USP34: variants seen among roughly 807,000 people sequenced by gnomAD.
USP34 encodes ubiquitin carboxyl-terminal hydrolase 34.
USP34 carries 70 observed loss-of-function variants against 460.3 expected under a neutral mutation model. The ratio of observed to expected loss-of-function variants is 0.15; its 90% confidence interval spans 0.13 to 0.19. USP34 has a LOEUF of 0.19. Ranked by LOEUF, USP34 falls within the 10% of genes least tolerant of loss-of-function variation. USP34 has a pLI of 1.00. For missense variants in USP34, 3,985 were observed against 4,236.2 expected (o/e 0.94, Z 1.65); for synonymous variants, 1,647 against 1,405.3 (o/e 1.17, Z -3.85).
At chr2:61,292,102 T>A (rs1461349217) in intron 33 of USP34, among the ~76,000 whole-genome samples, 1 of 152,166 alleles carries the variant, frequency 6.6e-6, no homozygotes, top group East Asian at 1.9e-4. Flanking sequence ...ACAACTGTTC[T>A]GGAATTAGAT....
intron 5 of USP34, among the ~76,000 whole-genome samples, chr2:61,388,313 A>T (rs1406656203): frequency 6.6e-6 from 1 of 152,040 alleles, no homozygotes; most frequent in Non-Finnish European, 1.5e-5. Flanking sequence ...CCAAGTCAAC[A>T]CTTGGCAAGG....
At chr2:61,465,162 T>C (rs1695724101) in intron 1 of USP34, among the ~76,000 whole-genome samples, 1 of 152,164 alleles carries the variant, frequency 6.6e-6, no homozygotes, top group Admixed American at 6.6e-5. Context: ...GTTTCAACTT[T>C]TATGATATGT....
chr2:61,462,245 GAAAAAAA>G (rs1260341115), intron 1 of USP34, among the ~76,000 whole-genome samples: 1 of 143,436 alleles, frequency 7.0e-6, no homozygotes, highest in Admixed American at 7.1e-5. Flanking sequence ...ATCTCAGGGG[GAAAAAAA>G]AAAAAAAGAA....
chr2:61,423,419 G>A (rs1161213246), intron 1 of USP34, among the ~76,000 whole-genome samples: 2 of 151,666 alleles, frequency 1.3e-5, no homozygotes, highest in South Asian at 4.2e-4. Context: ...CACTAACAAT[G>A]AACAATTTAA....
At chr2:61,249,343 A>G (rs1045817957) in intron 48 of USP34, among the ~76,000 whole-genome samples, 14 of 152,268 alleles carry the variant, frequency 9.2e-5, no homozygotes, top group African/African-American at 3.4e-4. Flanking sequence ...CTAATGAACA[A>G]GTAGTGTATA....
intron 2 of USP34, among the ~76,000 whole-genome samples, chr2:61,418,603 A>G (rs188402782): frequency 1.1e-3 from 169 of 152,340 alleles, no homozygotes; most frequent in Non-Finnish European, 1.6e-3. Context: ...TTTGCAGATT[A>G]TCCATGCTTT....
intron 1 of USP34, among the ~76,000 whole-genome samples, chr2:61,455,174 A>G (rs1457427202): frequency 1.4e-5 from 2 of 147,108 alleles, no homozygotes; most frequent in Non-Finnish European, 3.0e-5. Flanking sequence ...GGGCCGCCAC[A>G]CCCCAGCCTT....
At position 61,230,410 on chromosome 2, in the gene USP34, C is replaced by CA. The variant is rs1334251587; in HGVS notation, c.7114-778dup. Among the ~76,000 whole-genome samples the CA allele has an allele frequency of 3.4e-4, 51 of 152,110 alleles. 1 individual carries two copies. Among genetic ancestry groups the CA allele is most frequent in the Admixed American group, 3.3e-3 (51 of 15,272 alleles). On this transcript the variant is annotated intron_variant, in intron 58 of 79. Transcript: ENST00000398571. ...GCGTGGTGGTGGGCACCTGTAATCT[C>CA]AGCTAAGGAAGCTGAGGCAGGGAGA... is the stretch of plus-strand genomic sequence containing the variant.
chr2:61,424,700 A>AC (rs147533084), intron 1 of USP34, among the ~76,000 whole-genome samples: 2,228 of 151,936 alleles, frequency 0.015, 19 homozygotes, highest in Non-Finnish European at 0.022. Context: ...ACATGGCGAG[A>AC]CCCCCTCTCT....
intron 5 of USP34, among the ~76,000 whole-genome samples, chr2:61,392,817 A>G (rs952159894): frequency 7.2e-5 from 11 of 152,192 alleles, no homozygotes; most frequent in Admixed American, 2.0e-4. Context: ...TTGGTGTTTC[A>G]AAATTATATG....
In USP34 at chr2:61,454,782, C is replaced by T. The variant is rs1177110803; in HGVS notation, c.43+15868G>A. 7.3e-5 allele frequency among the ~76,000 whole-genome samples: 11 copies of T among 151,484 alleles called. No individual in the cohort carries two copies. In the East Asian group the frequency reaches 2.1e-3, roughly 29 times the overall value. On this transcript the variant is annotated intron_variant, in intron 1 of 79. Transcript: ENST00000398571. ...CAGGCTGGTCTCGAACTCCTGACCT[C>T]ACGTGATCCGCCCGCCTAGGCCTCC...
At chr2:61,335,113 A>G (rs758715530) in intron 18 of USP34, among the ~76,000 whole-genome samples, 5 of 152,248 alleles carry the variant, frequency 3.3e-5, no homozygotes, top group African/African-American at 7.2e-5. Context: ...CTATAAATTA[A>G]TAAAACACAG....
At position 61,380,188 on chromosome 2, in the gene USP34, G is replaced by T; in HGVS notation, c.995C>A (p.Ala332Asp). 6.2e-7 allele frequency: 1 copy of T among 1,613,254 alleles called. No individual in the cohort carries two copies. The highest frequency in any genetic ancestry group is 8.5e-7 in the Non-Finnish European group (1 of 1,179,558). The stretch of plus-strand genomic sequence containing the variant: ...GCTTACTGTTATCTGACTCAATCCA[G>T]CCAACCTCATAGTCAAAGTAGGTGA... ...FMSPTLTMRLAGLSQITNQLH... is the reference protein window; with the variant it reads ...FMSPTLTMRLDGLSQITNQLH... Residue 332 changes from alanine to aspartate, a missense_variant, in exon 7 of 80, where the codon GCT (alanine) becomes GAT (aspartate). This residue lies in a region of USP34 where 70 missense variants were observed against 109.5 expected (regional missense o/e 0.64). Transcript: ENST00000398571.
At chr2:61,232,099 G>A (rs1033036319) in intron 58 of USP34, among the ~76,000 whole-genome samples, 4 of 151,986 alleles carry the variant, frequency 2.6e-5, no homozygotes, top group Admixed American at 2.0e-4. Flanking sequence ...AGCTTTTGAG[G>A]TCACTATAGT....
intron 3 of USP34, 51 bp from the exon 4 acceptor site, chr2:61,395,284 TA>T (rs34909871): frequency 9.3e-7 from 1 of 1,071,130 alleles, no homozygotes; most frequent in South Asian, 1.4e-5. Context: ...TACTAACCTT[TA>T]AAAAATACAA....
At chr2:61,441,064 C>G (rs1694950766) in intron 1 of USP34, among the ~76,000 whole-genome samples, 1 of 150,586 alleles carries the variant, frequency 6.6e-6, no homozygotes, top group African/African-American at 2.4e-5. Flanking sequence ...GGAGGCGGAG[C>G]TTGCAGTGAG....
At position 61,198,974 on chromosome 2, in the gene USP34, GTTC is replaced by G. The variant is rs1357678674; in HGVS notation, c.9508+4163_9508+4165del. ...ATGTCCTTTGCTGATTTTACTTAAC[GTTC>G]TTCATCATCTTACCAAATCCTAAAA... On this transcript the variant is annotated intron_variant, in intron 75 of 79. Coordinates refer to ENST00000398571, the MANE Select transcript of USP34 (RefSeq NM_014709.4). Among the ~76,000 whole-genome samples the G allele has an allele frequency of 1.1e-4, 17 of 152,172 alleles. No homozygotes were observed. In the South Asian group the frequency reaches 1.7e-3, roughly 15 times the overall value.
chr2:61,278,330 A>C lies in USP34; in HGVS notation c.5313-45T>G, dbSNP rs1689434932. Reference sequence around the variant, plus strand: ...TACACACAAGCAAGATAGTTCACATAATTATGTCTTTTATCTTTCCTCGAC... The same window carrying C: ...TACACACAAGCAAGATAGTTCACATCATTATGTCTTTTATCTTTCCTCGAC... On this transcript the variant is annotated intron_variant, in intron 40 of 79. Transcript: ENST00000398571. 6.8e-6 allele frequency: 11 copies of C among 1,609,736 alleles called. No homozygotes were observed. The East Asian group carries it at 2.2e-4, about 33-fold the overall frequency.
chr2:61,412,277 T>C (rs1291877301), intron 2 of USP34, among the ~76,000 whole-genome samples: 1 of 93,116 alleles, frequency 1.1e-5, no homozygotes, highest in East Asian at 3.7e-4. Context: ...ACAGACAAAA[T>C]ACAAAAAGGA....
Sources: gnomAD v4.1 joint callset for allele counts (sites outside exome capture counted in the v4.1 genomes callset) on GRCh38, gnomAD v4.1.1 for gene constraint, gnomAD v4.1.1 regional missense constraint, MANE v1.5 for transcripts, NCBI Gene and HGNC (gene_info 2026-07-23, HGNC 2026-07-21) for gene names.